The following ZNF804B variants were observed in gnomAD, a reference collection of about 807,000 sequenced individuals.
ZNF804B encodes zinc finger 804B.
ZNF804B carries 80 observed loss-of-function variants against 101.4 expected under a neutral mutation model. The ratio of observed to expected loss-of-function variants is 0.79; its 90% CI spans 0.66 to 0.95. ZNF804B has a LOEUF of 0.95. ZNF804B is among the 40% of genes least tolerant of loss of function. The pLI is 0.00. For synonymous variants in ZNF804B, 622 were observed against 558.8 expected, an observed-to-expected ratio of 1.11 and a Z score of -1.59; for missense variants, 1,673 against 1,561.9, an observed-to-expected ratio of 1.07 and a Z score of -1.20.
intron 1 of ZNF804B, among the ~76,000 whole-genome samples, chr7:88,816,233 T>C (rs1233801729): frequency 6.6e-6 from 1 of 152,088 alleles, no homozygotes; most frequent in Non-Finnish European, 1.5e-5. Context: ...CTTCTTCCTG[T>C]GTGGATGCTT....
chr7:88,877,040 T>TATTATATATATAATATATATATA (rs1791959416), intron 1 of ZNF804B, among the ~76,000 whole-genome samples: 1 of 49,476 alleles, frequency 2.0e-5, no homozygotes, highest in African/African-American at 9.9e-5. Flanking sequence ...TATATATATA[T>TATTATATATATAATATATATATA]ATATATATAT....
At chr7:89,277,308 G>A (rs891287548) in intron 2 of ZNF804B, among the ~76,000 whole-genome samples, 29 of 149,562 alleles carry the variant, frequency 1.9e-4, no homozygotes, top group Non-Finnish European at 4.3e-4. Flanking sequence ...ACATCTAAAG[G>A]AGTTTTTTTC....
At chr7:89,058,597 G>A (rs543668358) in intron 1 of ZNF804B, among the ~76,000 whole-genome samples, 6 of 152,200 alleles carry the variant, frequency 3.9e-5, no homozygotes, top group Admixed American at 2.0e-4. Context: ...ATAAGGAATG[G>A]GGGGTCTGGT....
chr7:89,008,196 G>T (rs1442196566), intron 1 of ZNF804B, among the ~76,000 whole-genome samples: 1 of 151,912 alleles, frequency 6.6e-6, no homozygotes, highest in Non-Finnish European at 1.5e-5. Context: ...CATTTTTCTT[G>T]ACACACCCAA....
chr7:89,309,221 A>G (rs945294403), intron 2 of ZNF804B, among the ~76,000 whole-genome samples: 2 of 152,016 alleles, frequency 1.3e-5, no homozygotes, highest in African/African-American at 4.8e-5. Flanking sequence ...GCTCCTGCTT[A>G]TAAGTGAAAA....
intron 1 of ZNF804B, among the ~76,000 whole-genome samples, chr7:89,082,644 T>G (rs1789712650): frequency 6.6e-6 from 1 of 151,748 alleles, no homozygotes. Context: ...GAGGTGGACT[T>G]ATTCCTGATT....
chr7:89,007,449 TA>T (rs1279623027), intron 1 of ZNF804B, among the ~76,000 whole-genome samples: 2 of 61,818 alleles, frequency 3.2e-5, no homozygotes, highest in Non-Finnish European at 6.0e-5. Flanking sequence ...CATGATTTTA[TA>T]TATATATATA....
intron 1 of ZNF804B, among the ~76,000 whole-genome samples, chr7:88,902,539 A>G (rs577333794): frequency 3.3e-4 from 50 of 152,146 alleles, no homozygotes; most frequent in Non-Finnish European, 6.3e-4. Flanking sequence ...TTTCCTGAAT[A>G]AATACATTAA....
chr7:89,161,623 A>ATTTTATATGTATCTTTTAC (rs1791065889), intron 1 of ZNF804B, among the ~76,000 whole-genome samples: 1 of 96,954 alleles, frequency 1.0e-5, no homozygotes, highest in African/African-American at 3.3e-5. Flanking sequence ...TCCTGGGCTC[A>ATTTTATATGTATCTTTTAC]AGCGATCCTC....
rs545021005 is a variant in ZNF804B, at chr7:89,285,340, A to G, written c.250-42004A>G. Among the ~76,000 whole-genome samples, 699 of 151,250 alleles carry G rather than the reference A, an allele frequency of 4.6e-3. 4 individuals carry two copies. The highest frequency in any genetic ancestry group is 0.016 in the African/African-American group (673 of 41,248). ...GATCGAGACCATCCTGACTAACACG[A>G]TGAAACCCCGTCTCTACTAAAAATA... On this transcript the variant is annotated intron_variant, in intron 2 of 3. Coordinates refer to ENST00000333190, the MANE Select transcript of ZNF804B (RefSeq NM_181646.5).
chr7:89,075,435 GC>G (rs1165996083), intron 1 of ZNF804B, among the ~76,000 whole-genome samples: 2 of 152,186 alleles, frequency 1.3e-5, no homozygotes, highest in Admixed American at 6.5e-5. Flanking sequence ...TTCAGAGGGT[GC>G]AAGCCTCAAG....
rs932223548 is a variant in ZNF804B at position 89,118,327 on chromosome 7, C to T, written c.109-99828C>T. Among the ~76,000 whole-genome samples the T allele has an allele frequency of 3.3e-5, 5 of 152,124 alleles. No individual in the cohort carries two copies. In the South Asian group the frequency reaches 1.0e-3, roughly 32 times the overall value. On this transcript the variant is annotated intron_variant, in intron 1 of 3. Transcript: ENST00000333190. Reference sequence around the variant, plus strand: ...ATGTCTTTTCTGTCTCCATGCAGCACTATCTTAAGTAATATAGCCACTTTA... The same window carrying T: ...ATGTCTTTTCTGTCTCCATGCAGCATTATCTTAAGTAATATAGCCACTTTA...
At chr7:88,979,547 T>A (rs1793665563) in intron 1 of ZNF804B, among the ~76,000 whole-genome samples, 2 of 151,824 alleles carry the variant, frequency 1.3e-5, no homozygotes, top group Admixed American at 1.3e-4. Context: ...TGCTGACAGA[T>A]GTATTGGAGC....
At chr7:89,282,466 C>G (rs1434157125) in intron 2 of ZNF804B, among the ~76,000 whole-genome samples, 1 of 152,112 alleles carries the variant, frequency 6.6e-6, no homozygotes, top group African/African-American at 2.4e-5. Flanking sequence ...CAAAAAAAGA[C>G]TTTCCACTCA....
chr7:89,313,346 T>A (rs533541859), intron 2 of ZNF804B, among the ~76,000 whole-genome samples: 4 of 152,182 alleles, frequency 2.6e-5, no homozygotes, highest in Non-Finnish European at 5.9e-5. Flanking sequence ...GATCTGTAGA[T>A]GAAATGTGCA....
chr7:88,978,529 C>T (rs1332855326), intron 1 of ZNF804B, among the ~76,000 whole-genome samples: 1 of 151,562 alleles, frequency 6.6e-6, no homozygotes, highest in Non-Finnish European at 1.5e-5. Flanking sequence ...TCTACTACTG[C>T]TCTCTTTTTG....
intron 1 of ZNF804B, among the ~76,000 whole-genome samples, chr7:88,810,854 C>A (rs772630799): frequency 1.8e-4 from 28 of 151,980 alleles, no homozygotes; most frequent in Admixed American, 5.2e-4. Flanking sequence ...TGAATCTTAG[C>A]TAATTCATTT....
Position 89,027,815 on chromosome 7 carries a change from A to C in ZNF804B, c.109-190340A>C, listed in dbSNP as rs547632103. Among the ~76,000 whole-genome samples, 202 of 152,326 alleles carry C rather than the reference A, an allele frequency of 1.3e-3. 1 individual carries two copies. In the Middle Eastern group the frequency reaches 0.014, roughly 10 times the overall value. ...TTTTGGTCTCATCCCTGAACTGGTC[A>C]GATGAGTGTCCAGCCCAAGAGCTCT... On this transcript the variant is annotated intron_variant, in intron 1 of 3. Coordinates refer to ENST00000333190, the MANE Select transcript of ZNF804B (RefSeq NM_181646.5).
At chr7:89,283,942 AAGTT>A (rs1038904023) in intron 2 of ZNF804B, among the ~76,000 whole-genome samples, 59 of 152,278 alleles carry the variant, frequency 3.9e-4, no homozygotes, top group African/African-American at 1.3e-3. Flanking sequence ...GGTTAAGAAA[AAGTT>A]AGATATGTCA....
Sources: allele counts gnomAD v4.1 joint callset (sites outside exome capture counted in the v4.1 genomes callset), GRCh38; gene constraint gnomAD v4.1.1; transcripts MANE v1.5; gene names NCBI Gene and HGNC (gene_info 2026-07-23, HGNC 2026-07-21).